SGCZ: variants seen among roughly 807,000 people sequenced by gnomAD.
The protein encoded by SGCZ is sarcoglycan zeta.
Under a neutral mutation model 41.3 loss-of-function variants are expected in SGCZ, and 40 were observed. That is an observed-to-expected ratio of 0.97 (90% CI 0.75 to 1.26). SGCZ has a LOEUF of 1.26. SGCZ is among the 50% of genes most tolerant of loss of function. The pLI is 0.00. For synonymous variants in SGCZ, 206 were observed against 137.5 expected, an observed-to-expected ratio of 1.50 and a Z score of -3.49; for missense variants, 552 against 369.8, an observed-to-expected ratio of 1.49 and a Z score of -4.04.
Position 14,674,928 on chromosome 8 carries a change from G to GCTTTTTTTTTTTTTTTTTTTTTTTTTTTT in SGCZ, c.40-120003_40-120002insAAAAAAAAAAAAAAAAAAAAAAAAAAAAG, listed in dbSNP as rs1554478141. On this transcript the variant is annotated intron_variant, in intron 1 of 7. Coordinates refer to ENST00000382080, the MANE Select transcript of SGCZ (RefSeq NM_139167.4). ...GCCAATTTAACCTCTTTTCTTTTCTGTTTTTTTTTTTTTTTTTTTTTTTTT... is the reference window on the plus strand; with the variant it reads ...GCCAATTTAACCTCTTTTCTTTTCTGCTTTTTTTTTTTTTTTTTTTTTTTTTTTTTTTTTTTTTTTTTTTTTTTTTTTTT... 6.5e-4 allele frequency among the ~76,000 whole-genome samples: 46 copies of GCTTTTTTTTTTTTTTTTTTTTTTTTTTTT among 71,012 alleles called. 12 individuals carry two copies. Among genetic ancestry groups the GCTTTTTTTTTTTTTTTTTTTTTTTTTTTT allele is most frequent in the African/African-American group, 1.9e-3 (37 of 19,700 alleles). The allele number at this position is 71,012 out of a possible 152,430, so 46.6% of individuals were successfully genotyped here. A position where few individuals can be genotyped will look rare whatever the true frequency, so the allele number is the denominator to read the frequency against.
At chr8:14,412,841 G>C (rs549681159) in intron 2 of SGCZ, among the ~76,000 whole-genome samples, 54 of 152,108 alleles carry the variant, frequency 3.6e-4, no homozygotes, top group Admixed American at 3.0e-3. Context: ...AAGAGTATTT[G>C]ACATTCTGAA....
In SGCZ at chr8:14,087,474, C is replaced by T. The variant is rs1256945514; in HGVS notation, c.*2969G>A. 2.6e-5 allele frequency among the ~76,000 whole-genome samples: 4 copies of T among 151,494 alleles called. No homozygotes were observed. The highest frequency in any genetic ancestry group is 7.3e-5 in the African/African-American group (3 of 41,340). Reference sequence around the variant, plus strand: ...GCAAAACTACCAACCTCTTTTTCTTCTTCCGTTTGTTCCTTCCTGGCGTAC... The same window carrying T: ...GCAAAACTACCAACCTCTTTTTCTTTTTCCGTTTGTTCCTTCCTGGCGTAC... On this transcript the variant is annotated 3_prime_UTR_variant, in exon 8 of 8. Coordinates refer to ENST00000382080, the MANE Select transcript of SGCZ (RefSeq NM_139167.4).
intron 2 of SGCZ, among the ~76,000 whole-genome samples, chr8:14,393,056 C>A (rs975569367): frequency 4.6e-5 from 7 of 151,918 alleles, no homozygotes; most frequent in Non-Finnish European, 1.0e-4. Flanking sequence ...CTGTGGGAGC[C>A]ATATGAAAGG....
At chr8:14,784,913 A>AAAAATATATATATATATATATATATAT (rs1408574493) in intron 1 of SGCZ, among the ~76,000 whole-genome samples, 1 of 88,038 alleles carries the variant, frequency 1.1e-5, no homozygotes, top group African/African-American at 4.7e-5. Flanking sequence ...AAAAAAAAAA[A>AAAAATATATATATATATATATATATAT]ATATATATAT....
intron 1 of SGCZ, among the ~76,000 whole-genome samples, chr8:14,566,695 TC>T (rs1234711828): frequency 6.6e-6 from 1 of 152,236 alleles, no homozygotes; most frequent in African/African-American, 2.4e-5. Flanking sequence ...TCTCGGCACC[TC>T]CTCGGCCTTG....
intron 3 of SGCZ, among the ~76,000 whole-genome samples, chr8:14,271,421 G>A (rs980511174): frequency 1.3e-5 from 2 of 152,136 alleles, no homozygotes; most frequent in Non-Finnish European, 2.9e-5. Context: ...ATGAAGACTT[G>A]TAGATAGTTT....
chr8:14,971,365 G>C (rs1431969818), intron 1 of SGCZ, among the ~76,000 whole-genome samples: 1 of 152,070 alleles, frequency 6.6e-6, no homozygotes, highest in Non-Finnish European at 1.5e-5. Context: ...TAGGAGAAAA[G>C]CATTACGTCT....
chr8:14,214,521 G>A (rs1010163186), intron 4 of SGCZ, among the ~76,000 whole-genome samples: 1 of 152,040 alleles, frequency 6.6e-6, no homozygotes, highest in African/African-American at 2.4e-5. Flanking sequence ...TTCTGTACTA[G>A]TTTTACTATA....
At chr8:15,118,092 T>C (rs918707178) in intron 1 of SGCZ, among the ~76,000 whole-genome samples, 1 of 152,212 alleles carries the variant, frequency 6.6e-6, no homozygotes, top group African/African-American at 2.4e-5. Context: ...CTTTGATATT[T>C]AGTTGCGGTA....
chr8:14,875,701 G>C (rs1243822428), intron 1 of SGCZ, among the ~76,000 whole-genome samples: 1 of 152,110 alleles, frequency 6.6e-6, no homozygotes, highest in African/African-American at 2.4e-5. Flanking sequence ...TAAGTAACTA[G>C]TAATAAAGTG....
At chr8:14,218,012 A>T (rs1806060955) in intron 4 of SGCZ, among the ~76,000 whole-genome samples, 1 of 152,188 alleles carries the variant, frequency 6.6e-6, no homozygotes, top group Non-Finnish European at 1.5e-5. Context: ...AAAAATACAG[A>T]GAAAACATTT....
intron 1 of SGCZ, among the ~76,000 whole-genome samples, chr8:14,914,471 G>A (rs765511163): frequency 1.7e-4 from 25 of 151,502 alleles, no homozygotes; most frequent in Non-Finnish European, 2.8e-4. Flanking sequence ...CTGGAGTTTC[G>A]TGGCCCACAA....
chr8:14,359,815 G>GAAAA (rs1258410378), intron 2 of SGCZ, among the ~76,000 whole-genome samples: 1 of 109,486 alleles, frequency 9.1e-6, no homozygotes, highest in African/African-American at 3.1e-5. Context: ...TACAAAAAAA[G>GAAAA]AAAAAAAAAA....
At chr8:14,212,560 T>C (rs1179616415) in intron 4 of SGCZ, among the ~76,000 whole-genome samples, 1 of 149,648 alleles carries the variant, frequency 6.7e-6, no homozygotes, top group Admixed American at 6.6e-5. Context: ...AGCCTACACA[T>C]TAAACCTAAA....
chr8:14,574,066 A>T (rs1333824316), intron 1 of SGCZ, among the ~76,000 whole-genome samples: 1 of 152,128 alleles, frequency 6.6e-6, no homozygotes. Context: ...GATAATCTCC[A>T]CATGAGTAAT....
rs142613161 is a variant in SGCZ, at chr8:14,757,329, G to A, written c.40-202403C>T. 4.4e-3 allele frequency among the ~76,000 whole-genome samples: 667 copies of A among 152,324 alleles called. 5 individuals are homozygous for A. Among genetic ancestry groups the A allele is most frequent in the African/African-American group, 0.014 (595 of 41,570 alleles). On this transcript the variant is annotated intron_variant, in intron 1 of 7. Coordinates refer to ENST00000382080, the MANE Select transcript of SGCZ (RefSeq NM_139167.4). The stretch of plus-strand genomic sequence containing the variant: ...CTCCCAAAGCACTGGGACTGCAGGC[G>A]TGAGCCACCGTGCCCAGCTTTCAAC...
At chr8:14,610,018 T>G (rs1037986949) in intron 1 of SGCZ, among the ~76,000 whole-genome samples, 1 of 152,204 alleles carries the variant, frequency 6.6e-6, no homozygotes, top group Non-Finnish European at 1.5e-5. Flanking sequence ...AGATTTCAAC[T>G]GCTACGATCT....
chr8:14,593,555 C>G (rs890717006), intron 1 of SGCZ, among the ~76,000 whole-genome samples: 5 of 152,046 alleles, frequency 3.3e-5, no homozygotes, highest in African/African-American at 1.2e-4. Context: ...TCTCATGTCA[C>G]AGGTATTAAT....
chr8:14,666,277 G>C (rs1250658961), intron 1 of SGCZ, among the ~76,000 whole-genome samples: 1 of 152,132 alleles, frequency 6.6e-6, no homozygotes, highest in African/African-American at 2.4e-5. Context: ...TGCCTTTTCT[G>C]TTGTTGGTAA....
Sources: allele counts gnomAD v4.1 joint callset (sites outside exome capture counted in the v4.1 genomes callset), GRCh38; gene constraint gnomAD v4.1.1; transcripts MANE v1.5; gene names NCBI Gene and HGNC (gene_info 2026-07-23, HGNC 2026-07-21).